FMN1: variants seen among roughly 807,000 people sequenced by gnomAD.
FMN1 encodes the protein formin 1, also known as formin-1.
A neutral mutation model predicts 132.4 loss-of-function variants in FMN1; 110 were observed. The observed-to-expected ratio is 0.83, with a 90% CI of 0.71 to 0.97. The LOEUF (loss-of-function observed/expected upper bound fraction) is 0.97. FMN1 is among the 50% of genes least tolerant of loss of function. FMN1 has a pLI of 0.00. For missense variants in FMN1, 1,792 were observed against 1,705.3 expected (o/e 1.05, Z -0.90); for synonymous variants, 722 against 651.7 (o/e 1.11, Z -1.64).
chr15:32,905,816 G>C (rs1204737171), intron 12 of FMN1, among the ~76,000 whole-genome samples: 1 of 152,188 alleles, frequency 6.6e-6, no homozygotes, highest in African/African-American at 2.4e-5. Context: ...CAGAGAATCA[G>C]AGTGGCATAA....
At chr15:33,129,787 A>ATT (rs61564380) in intron 4 of FMN1, among the ~76,000 whole-genome samples, 109 of 121,712 alleles carry the variant, frequency 9.0e-4, no homozygotes, top group African/African-American at 1.6e-3. Flanking sequence ...TTGACTAGCA[A>ATT]TTTTTTTTTT....
chr15:33,025,728 A>C (rs1054871484), intron 6 of FMN1, among the ~76,000 whole-genome samples: 6 of 152,214 alleles, frequency 3.9e-5, no homozygotes, highest in Non-Finnish European at 5.9e-5. Context: ...ATTGTATCTC[A>C]AAATCTCAAA....
At chr15:32,956,479 C>T (rs2061771638) in intron 9 of FMN1, among the ~76,000 whole-genome samples, 1 of 151,992 alleles carries the variant, frequency 6.6e-6, no homozygotes, top group Admixed American at 6.6e-5. Flanking sequence ...CATGGAGCTC[C>T]TGTTTCCTTT....
At chr15:33,023,886 C>T (rs1047000178) in intron 6 of FMN1, among the ~76,000 whole-genome samples, 2 of 152,100 alleles carry the variant, frequency 1.3e-5, no homozygotes, top group Non-Finnish European at 2.9e-5. Flanking sequence ...TACTTCAAAA[C>T]CATTCACAAG....
intron 19 of FMN1, among the ~76,000 whole-genome samples, chr15:32,787,292 A>C (rs141410936): frequency 6.6e-6 from 1 of 152,234 alleles, no homozygotes; most frequent in Admixed American, 6.5e-5. Context: ...AAAGAGCCAT[A>C]AACAGTAAGA....
intron 16 of FMN1, among the ~76,000 whole-genome samples, chr15:32,862,525 A>G (rs2059294017): frequency 6.6e-6 from 1 of 152,210 alleles, no homozygotes; most frequent in Non-Finnish European, 1.5e-5. Flanking sequence ...GTGAAAGGAA[A>G]GATATGGCCT....
chr15:33,064,791 A>G (rs150711887), intron 6 of FMN1, 166 bp downstream of exon 6: 74 of 484,944 alleles, frequency 1.5e-4, no homozygotes, highest in South Asian at 3.4e-4. Context: ...CTCGTTAACA[A>G]TAAGTGTGCA....
intron 6 of FMN1, among the ~76,000 whole-genome samples, chr15:33,031,523 AT>A (rs1278036127): frequency 6.6e-6 from 1 of 152,146 alleles, no homozygotes; most frequent in East Asian, 1.9e-4. Flanking sequence ...GGCCATTACT[AT>A]CCCCATTAAA....
Position 33,060,502 on chromosome 15 carries a change from A to C in FMN1, c.2161+4455T>G, listed in dbSNP as rs372230203. On this transcript the variant is annotated intron_variant, in intron 6 of 20. Coordinates refer to ENST00000616417, the MANE Select transcript of FMN1 (RefSeq NM_001277313.2). ...AATGGTTTATTTCTCTATTTAATTT[A>C]AAATACTCTAAATAGGGATGTTTCT... 2.5e-4 allele frequency among the ~76,000 whole-genome samples: 38 copies of C among 152,340 alleles called. No individual in the cohort carries two copies. The South Asian group carries it at 7.3e-3, about 29-fold the overall frequency.
At chr15:32,913,457 A>C (rs2060612360) in intron 10 of FMN1, among the ~76,000 whole-genome samples, 1 of 152,050 alleles carries the variant, frequency 6.6e-6, no homozygotes, top group African/African-American at 2.4e-5. Flanking sequence ...CGCCTCAATT[A>C]CACTTCCAAA....
chr15:33,048,644 A>AAAACAAAAAAAAAAAAAAAAAC (rs1555388956), intron 6 of FMN1, among the ~76,000 whole-genome samples: 1 of 86,950 alleles, frequency 1.2e-5, no homozygotes, highest in African/African-American at 4.1e-5. Context: ...AAAAAAAAAA[A>AAAACAAAAAAAAAAAAAAAAAC]AAAAACCAAC....
At chr15:32,938,028 T>G (rs1032667641) in intron 9 of FMN1, among the ~76,000 whole-genome samples, 1 of 152,036 alleles carries the variant, frequency 6.6e-6, no homozygotes, top group African/African-American at 2.4e-5. Context: ...GAGAATGTAT[T>G]GGAAGTAGAC....
intron 6 of FMN1, among the ~76,000 whole-genome samples, chr15:33,010,895 T>G (rs1243577793): frequency 2.6e-5 from 4 of 151,756 alleles, no homozygotes; most frequent in Non-Finnish European, 5.9e-5. Context: ...ATTGACATAT[T>G]TTACTAAAAA....
chr15:32,983,523 CG>C (rs970334350), intron 7 of FMN1, among the ~76,000 whole-genome samples: 10 of 151,812 alleles, frequency 6.6e-5, no homozygotes, highest in African/African-American at 2.4e-4. Flanking sequence ...TATATCTCAT[CG>C]AAAAAACCTC....
At chr15:32,854,113 C>T (rs979319056) in intron 17 of FMN1, among the ~76,000 whole-genome samples, 6 of 152,074 alleles carry the variant, frequency 3.9e-5, no homozygotes, top group African/African-American at 1.4e-4. Context: ...GAATATTAAT[C>T]GTTTTATTTA....
chr15:32,788,876 T>C (rs542585969), intron 19 of FMN1, among the ~76,000 whole-genome samples: 1 of 152,354 alleles, frequency 6.6e-6, no homozygotes, highest in Non-Finnish European at 1.5e-5. Context: ...GAGCTGGCGA[T>C]TGTTTTATTC....
In FMN1 at chr15:32,941,856, G is replaced by A. The variant is rs571576761; in HGVS notation, c.3139-15595C>T. 3.6e-4 allele frequency among the ~76,000 whole-genome samples: 55 copies of A among 152,182 alleles called. 1 individual carries two copies. The highest frequency in any genetic ancestry group is 1.3e-3 in the African/African-American group (55 of 41,490). On this transcript the variant is annotated intron_variant, in intron 9 of 20. Transcript: ENST00000616417. ...AACAAGAGATGTTTTATATCAGATTGTTAAAAATCAGTTTTTGAGGGACGT... is the reference window on the plus strand; with the variant it reads ...AACAAGAGATGTTTTATATCAGATTATTAAAAATCAGTTTTTGAGGGACGT...
intron 7 of FMN1, among the ~76,000 whole-genome samples, chr15:32,986,218 G>T (rs1188008237): frequency 6.6e-6 from 1 of 152,140 alleles, no homozygotes; most frequent in African/African-American, 2.4e-5. Flanking sequence ...CTTGTTTCAT[G>T]TGGAATACTT....
At chr15:33,150,775 T>C (rs1363923886) in intron 4 of FMN1, 10 of 985,810 alleles carry the variant, frequency 1.0e-5, no homozygotes, top group African/African-American at 1.7e-5. Flanking sequence ...TCAATAAAAA[T>C]ACCTAGATGT....
Sources: allele counts gnomAD v4.1 joint callset (sites outside exome capture counted in the v4.1 genomes callset), GRCh38; gene constraint gnomAD v4.1.1; transcripts MANE v1.5; gene names NCBI Gene and HGNC (gene_info 2026-07-23, HGNC 2026-07-21).